LRP4: variants seen among roughly 807,000 people sequenced by gnomAD.
LRP4 encodes low-density lipoprotein receptor-related protein 4.
Under a neutral mutation model 220.3 loss-of-function variants are expected in LRP4, and 95 were observed. That is an observed-to-expected ratio of 0.43 (90% CI 0.37 to 0.51). The LOEUF (loss-of-function observed/expected upper bound fraction) is 0.51, where lower values mean the gene tolerates loss of function less well. Ranked by LOEUF, LRP4 falls within the 20% of genes least tolerant of loss-of-function variation. LRP4 has a pLI of 0.00. For synonymous variants in LRP4, 903 were observed against 954.6 expected (o/e 0.95, Z 1.00); for missense variants, 1,925 against 2,567.0 (o/e 0.75, Z 5.40).
In LRP4 at chr11:46,876,724, G is replaced by A; in HGVS notation, c.3364+20C>T. The A allele has an allele frequency of 1.2e-6, 2 of 1,613,970 alleles. No individual in the cohort carries two copies. Among genetic ancestry groups the A allele is most frequent in the Non-Finnish European group, 8.5e-7 (1 of 1,179,840 alleles). Reference sequence around the variant, plus strand: ...CCCTGTTGCCAGACAGGTGGTCCCTGGGCTAGGAGGAAGGCCCACCTGTGG... The same window carrying A: ...CCCTGTTGCCAGACAGGTGGTCCCTAGGCTAGGAGGAAGGCCCACCTGTGG... On this transcript the variant is annotated intron_variant, in intron 24 of 37. Coordinates refer to ENST00000378623, the MANE Select transcript of LRP4 (RefSeq NM_002334.4).
At chr11:46,863,954 A>G (rs2134763981) in intron 36 of LRP4, among the ~76,000 whole-genome samples, 1 of 152,294 alleles carries the variant, frequency 6.6e-6, no homozygotes, top group East Asian at 1.9e-4. Context: ...ATTTGGGGGA[A>G]AATATAAAGA....
At position 46,878,760 on chromosome 11, in the gene LRP4, A is replaced by G. The variant is rs1455662667; in HGVS notation, c.3136+147T>C. 4 of 1,230,978 alleles carry G rather than the reference A, an allele frequency of 3.2e-6. No homozygotes were observed. In the South Asian group the frequency reaches 3.8e-5, roughly 12 times the overall value. 76.3% of individuals were successfully genotyped at this position (1,230,978 alleles called of 1,614,324 possible). On this transcript the variant is annotated intron_variant, in intron 22 of 37. Transcript: ENST00000378623. ...TCTCCCCAGGCCCGTCCCCTTTTCTAAAAGCCGTGAGTCTCTCCCCTGGGC... is the reference window on the plus strand; with the variant it reads ...TCTCCCCAGGCCCGTCCCCTTTTCTGAAAGCCGTGAGTCTCTCCCCTGGGC...
In LRP4 at chr11:46,859,192, G is replaced by C; in HGVS notation, c.5509C>G (p.Leu1837Val). The part of the protein sequence containing the change: ...KQLRSSRGGL[L>V]RDHVCMKTDT... ...GTCTTCATGCATACATGATCCCGGA[G>C]GAGGCCCCCCCGTGAGCTTCGCAGT... The change falls in exon 38 of 38, where the codon CTC becomes GTC. Residue 1837 changes from leucine to valine, a missense_variant. Transcript: ENST00000378623. 10 of 1,614,164 alleles carry C rather than the reference G, an allele frequency of 6.2e-6. No homozygotes were observed. The highest frequency in any genetic ancestry group is 8.5e-6 in the Non-Finnish European group (10 of 1,180,026).
At chr11:46,894,888 C>G in intron 11 of LRP4, 69 bp from the exon 12 acceptor site, 2 of 1,340,378 alleles carry the variant, frequency 1.5e-6, no homozygotes. Context: ...ATCAGCAGGT[C>G]TTCAGCTGAC....
At chr11:46,901,927 G>C (rs1290564664) in intron 2 of LRP4, among the ~76,000 whole-genome samples, 1 of 151,882 alleles carries the variant, frequency 6.6e-6, no homozygotes, top group Non-Finnish European at 1.5e-5. Context: ...TAGAGACAGG[G>C]TTTCAGCGTA....
rs1378120971 is a variant in LRP4 at position 46,895,339 on chromosome 11, A to G, written c.1184-48T>C. The G allele has an allele frequency of 3.7e-6, 6 of 1,604,274 alleles. No individual in the cohort carries two copies. In the African/African-American group the frequency reaches 4.0e-5, roughly 11 times the overall value. ...GAGATCTCCCTTCTGTCGTCCTCCC[A>G]CTCCCGCTCCCAGGCTGCCGAGCTG... is the stretch of plus-strand genomic sequence containing the variant. On this transcript the variant is annotated intron_variant, in intron 10 of 37. Transcript: ENST00000378623.
In LRP4 at chr11:46,862,767, G is replaced by C. The variant is rs1410050216; in HGVS notation, c.5244-20C>G. ...TTGTGTCTTTAGGAGGGAAGGTGAT[G>C]AGAAATTAGTCGAGATCTTTAAGGG... On this transcript the variant is annotated intron_variant, in intron 36 of 37. Transcript: ENST00000378623. 6.2e-7 allele frequency: 1 copy of C among 1,612,826 alleles called. No individual in the cohort carries two copies. Among genetic ancestry groups the C allele is most frequent in the African/African-American group, 1.3e-5 (1 of 74,784 alleles).
rs886048347 is a variant in LRP4, at chr11:46,858,678, G to A, written c.*305C>T. The A allele has an allele frequency of 4.8e-6, 2 of 418,120 alleles. No individual in the cohort carries two copies. The highest frequency in any genetic ancestry group is 5.5e-5 in the East Asian group (1 of 18,250). The allele number at this position is 418,120 out of a possible 1,614,324, so 25.9% of individuals were successfully genotyped here. On this transcript the variant is annotated 3_prime_UTR_variant, in exon 38 of 38. Coordinates refer to ENST00000378623, the MANE Select transcript of LRP4 (RefSeq NM_002334.4). ...CACTGAGGGTACTGGGGAAAGGGGAGGTGGAGCTCTACGCTGGTGAGGAAT... is the reference window on the plus strand; with the variant it reads ...CACTGAGGGTACTGGGGAAAGGGGAAGTGGAGCTCTACGCTGGTGAGGAAT...
chr11:46,899,732 G>T lies in LRP4; in HGVS notation c.430+131C>A. On this transcript the variant is annotated intron_variant, in intron 4 of 37. Coordinates refer to ENST00000378623, the MANE Select transcript of LRP4 (RefSeq NM_002334.4). The surrounding 1 kb of genome is among the most constrained non-coding windows in gnomAD (Gnocchi z 5.9). Reference sequence around the variant, plus strand: ...GTCTGAGCGGCTCTGCCCCCTCTGCGTTCCTCTAGCTGCTCCAGATATCTG... The same window carrying T: ...GTCTGAGCGGCTCTGCCCCCTCTGCTTTCCTCTAGCTGCTCCAGATATCTG... 2.3e-6 allele frequency: 2 copies of T among 878,540 alleles called. No homozygotes were observed. Among genetic ancestry groups the T allele is most frequent in the Non-Finnish European group, 3.8e-6 (2 of 525,494 alleles). 54.4% of individuals were successfully genotyped at this position (878,540 alleles called of 1,614,324 possible).
intron 22 of LRP4, 98 bp downstream of exon 22, chr11:46,878,809 G>A (rs1941079775): frequency 3.2e-6 from 5 of 1,557,766 alleles, no homozygotes; most frequent in Non-Finnish European, 4.4e-6. Flanking sequence ...AGGACTCATG[G>A]TTTCTCAGAC....
chr11:46,908,222 G>A (rs969260472), intron 1 of LRP4, among the ~76,000 whole-genome samples: 2 of 152,098 alleles, frequency 1.3e-5, no homozygotes, highest in South Asian at 2.1e-4. Flanking sequence ...GAGCCACTGC[G>A]CCTGGCCCCA....
chr11:46,860,313 G>C (rs1280576680), intron 37 of LRP4, among the ~76,000 whole-genome samples: 1 of 151,892 alleles, frequency 6.6e-6, no homozygotes, highest in Admixed American at 6.6e-5. Context: ...CGTCAATATA[G>C]TGGGGTCCTG....
At position 46,858,917 on chromosome 11, in the gene LRP4, C is replaced by A. The variant is rs979848738; in HGVS notation, c.*66G>T. On this transcript the variant is annotated 3_prime_UTR_variant, in exon 38 of 38. Coordinates refer to ENST00000378623, the MANE Select transcript of LRP4 (RefSeq NM_002334.4). ...ACAGAAGCGGGGCCTGCGGTGTAAG[C>A]GAGCACAAGGACTAGACGTCCATAA... The A allele has an allele frequency of 3.3e-5, 49 of 1,483,854 alleles. No homozygotes were observed. Among genetic ancestry groups the A allele is most frequent in the Non-Finnish European group, 4.5e-5 (48 of 1,063,944 alleles). 91.9% of individuals were successfully genotyped at this position (1,483,854 alleles called of 1,614,324 possible).
At chr11:46,897,934 T>G (rs1340989947) in intron 7 of LRP4, among the ~76,000 whole-genome samples, 2 of 152,070 alleles carry the variant, frequency 1.3e-5, no homozygotes, top group African/African-American at 2.4e-5. Context: ...GGCTCCTCAC[T>G]TCCCAGTAGG....
At chr11:46,863,953 A>G (rs540748029) in intron 36 of LRP4, among the ~76,000 whole-genome samples, 29 of 152,250 alleles carry the variant, frequency 1.9e-4, no homozygotes, top group African/African-American at 7.0e-4. Flanking sequence ...CATTTGGGGG[A>G]AAATATAAAG....
In LRP4 at chr11:46,890,496, T is replaced by C; in HGVS notation, c.1698-2A>G. 6.2e-7 allele frequency: 1 copy of C among 1,609,330 alleles called. No individual in the cohort carries two copies. Among genetic ancestry groups the C allele is most frequent in the East Asian group, 2.2e-5 (1 of 44,860 alleles). ...CCCCAGTCTGTCCAGTAAATGGTACTAGGAAGAGAAAAGTAAATTGGGAAG... is the reference window on the plus strand; with the variant it reads ...CCCCAGTCTGTCCAGTAAATGGTACCAGGAAGAGAAAAGTAAATTGGGAAG... On this transcript the variant is annotated splice_acceptor_variant, in intron 13 of 37. Transcript: ENST00000378623. LOFTEE classifies it high-confidence loss of function. The surrounding 1 kb of genome is among the most constrained non-coding windows in gnomAD (Gnocchi z 5.3).
At chr11:46,874,683 A>T in intron 28 of LRP4, 117 bp downstream of exon 28, 2 of 843,048 alleles carry the variant, frequency 2.4e-6, no homozygotes, top group Non-Finnish European at 3.9e-6. Context: ...AGTCAGGATT[A>T]AAACTCACTA....
rs1029878173 is a variant in LRP4 at position 46,918,121 on chromosome 11, C to A, written c.52+207G>T. 2.6e-5 allele frequency among the ~76,000 whole-genome samples: 4 copies of A among 151,828 alleles called. No homozygotes were observed. Among genetic ancestry groups the A allele is most frequent in the Admixed American group, 2.6e-4 (4 of 15,274 alleles). ...ACCCGCGCCCCGGCCCAGACCCGAA[C>A]CCGCGGAAGCGCCTCCGCTGATGCC... On this transcript the variant is annotated intron_variant, in intron 1 of 37. Transcript: ENST00000378623. The surrounding 1 kb of genome is among the most constrained non-coding windows in gnomAD (Gnocchi z 6.0).
Position 46,875,027 on chromosome 11 carries a change from G to C in LRP4, c.4002C>G (p.Ala1334=). 6.2e-7 allele frequency: 1 copy of C among 1,614,126 alleles called. No homozygotes were observed. Among genetic ancestry groups the C allele is most frequent in the Non-Finnish European group, 8.5e-7 (1 of 1,180,030 alleles). ...CCTTCAGCTGGATGCCAGTGGGGCA[G>C]GCACAGGAGAAGCCAGAAGGCCGAG... ...CLPRPSGFSC[A]CPTGIQLKGD... is the part of the protein sequence containing the mutation. The change falls in exon 28 of 38, where the codon GCC becomes GCG. Residue 1334 remains alanine, a synonymous_variant. Coordinates refer to ENST00000378623, the MANE Select transcript of LRP4 (RefSeq NM_002334.4). This position sits in a 1 kb window ranked among gnomAD's most constrained non-coding sequence, Gnocchi z 4.5.
Sources: gnomAD v4.1 joint callset for allele counts (sites outside exome capture counted in the v4.1 genomes callset) on GRCh38, gnomAD v4.1.1 for gene constraint, Gnocchi (gnomAD v3.1) non-coding constraint, MANE v1.5 for transcripts, NCBI Gene and HGNC (gene_info 2026-07-23, HGNC 2026-07-21) for gene names.